Variants in EFNA5 observed in about 807,000 individuals in gnomAD.
EFNA5 encodes the protein ephrin A5, also known as ephrin-A5.
A neutral mutation model predicts 22.9 loss-of-function variants in EFNA5; 5 were observed. That is an observed-to-expected ratio of 0.22 (90% CI 0.11 to 0.46). EFNA5 has a LOEUF of 0.46. Among genes scored for constraint, EFNA5 ranks in the 20% least tolerant of loss-of-function variants. EFNA5 has a pLI of 0.99. For synonymous variants in EFNA5, 113 were observed against 112.2 expected (o/e 1.01, Z -0.04); for missense variants, 237 against 293.3 (o/e 0.81, Z 1.40).
At chr5:107,483,577 C>G (rs1457633982) in intron 1 of EFNA5, among the ~76,000 whole-genome samples, 1 of 152,156 alleles carries the variant, frequency 6.6e-6, no homozygotes, top group Non-Finnish European at 1.5e-5. Flanking sequence ...AACTCCTGAC[C>G]TAAAGCCAGG....
intron 1 of EFNA5, among the ~76,000 whole-genome samples, chr5:107,570,873 G>T (rs1580536122): frequency 6.6e-6 from 1 of 152,168 alleles, no homozygotes; most frequent in Non-Finnish European, 1.5e-5. Context: ...CAAGGGACTT[G>T]AAAACAAACC....
chr5:107,569,687 T>G (rs1748754391), intron 1 of EFNA5, among the ~76,000 whole-genome samples: 2 of 145,696 alleles, frequency 1.4e-5, no homozygotes, highest in Non-Finnish European at 3.0e-5. Flanking sequence ...CCATCTCTAC[T>G]AAAAATACAA....
chr5:107,482,911 TACAC>T (rs140110437), intron 1 of EFNA5, among the ~76,000 whole-genome samples: 1 of 138,444 alleles, frequency 7.2e-6, no homozygotes, highest in Non-Finnish European at 1.6e-5. Flanking sequence ...TATATACACA[TACAC>T]ACACACACAC....
intron 2 of EFNA5, among the ~76,000 whole-genome samples, chr5:107,411,392 G>A (rs1036514422): frequency 2.4e-4 from 37 of 152,152 alleles, no homozygotes; most frequent in African/African-American, 7.7e-4. Context: ...TGGAGCTGTC[G>A]GTCAAAGTAT....
intron 4 of EFNA5, among the ~76,000 whole-genome samples, chr5:107,381,888 GAA>G (rs1747472084): frequency 6.6e-6 from 1 of 152,242 alleles, no homozygotes; most frequent in South Asian, 2.1e-4. Flanking sequence ...TTTCAAACAT[GAA>G]AAACTAAATG....
chr5:107,449,504 T>A (rs550509559), intron 1 of EFNA5, among the ~76,000 whole-genome samples: 3 of 151,640 alleles, frequency 2.0e-5, no homozygotes, highest in African/African-American at 4.8e-5. Context: ...TATCACATCA[T>A]CCCTCCCCGC....
rs897846198 is a variant in EFNA5, at chr5:107,378,191, T to A, written c.*3064A>T. 1 of 141,408 alleles carries A rather than the reference T, an allele frequency of 7.1e-6. No individual in the cohort carries two copies. The highest frequency in any genetic ancestry group is 6.9e-5 in the Admixed American group (1 of 14,404). 8.8% of individuals were successfully genotyped at this position (141,408 alleles called of 1,614,324 possible). A position where few individuals can be genotyped will look rare whatever the true frequency, so the allele number is the denominator to read the frequency against. On this transcript the variant is annotated 3_prime_UTR_variant, in exon 5 of 5. Transcript: ENST00000333274. ...TAATACAGAATTTAAAGAACGCAGT[T>A]TTTTTTTTTTTTTTAATGTTTTACT...
intron 1 of EFNA5, among the ~76,000 whole-genome samples, chr5:107,428,474 C>T (rs1195168259): frequency 2.0e-5 from 3 of 152,226 alleles, no homozygotes; most frequent in African/African-American, 7.2e-5. Context: ...AAAAGTTTTG[C>T]TTATCTGTTT....
intron 1 of EFNA5, among the ~76,000 whole-genome samples, chr5:107,450,283 G>GT (rs1321092451): frequency 1.3e-5 from 2 of 152,078 alleles, no homozygotes; most frequent in Non-Finnish European, 2.9e-5. Flanking sequence ...CAAAGGCAAA[G>GT]TTTTTTTGCT....
intron 1 of EFNA5, among the ~76,000 whole-genome samples, chr5:107,451,563 G>C (rs1749561267): frequency 6.6e-6 from 1 of 151,948 alleles, no homozygotes; most frequent in African/African-American, 2.4e-5. Context: ...TAGATAGATA[G>C]ACAGATAATC....
At position 107,670,650 on chromosome 5, in the gene EFNA5, TC is replaced by T; in HGVS notation, c.-38del. 1 of 1,591,026 alleles carries T rather than the reference TC, an allele frequency of 6.3e-7. No homozygotes were observed. Among genetic ancestry groups the T allele is most frequent in the African/African-American group, 1.4e-5 (1 of 73,932 alleles). On this transcript the variant is annotated 5_prime_UTR_variant, in exon 1 of 5. Transcript: ENST00000333274. ...AGCGGCGGAGCCCCCGACGCGCCAC[TC>T]CGGGGAGAGAGCGGGGATCCGGAGG...
At chr5:107,556,159 C>T (rs1748408836) in intron 1 of EFNA5, among the ~76,000 whole-genome samples, 1 of 152,170 alleles carries the variant, frequency 6.6e-6, no homozygotes, top group Non-Finnish European at 1.5e-5. Context: ...CATGCTATCC[C>T]CATCAAGGCT....
chr5:107,436,638 C>T (rs558421091), intron 1 of EFNA5, among the ~76,000 whole-genome samples: 2 of 152,042 alleles, frequency 1.3e-5, no homozygotes, highest in African/African-American at 2.4e-5. Flanking sequence ...GAGTTTTACA[C>T]CCCCCAGCCC....
chr5:107,533,378 T>G (rs890007052), intron 1 of EFNA5, among the ~76,000 whole-genome samples: 2 of 152,146 alleles, frequency 1.3e-5, no homozygotes, highest in Non-Finnish European at 2.9e-5. Flanking sequence ...GAATTGGGCT[T>G]CTTTCTATCT....
At chr5:107,605,358 T>A (rs1003985183) in intron 1 of EFNA5, among the ~76,000 whole-genome samples, 44 of 152,162 alleles carry the variant, frequency 2.9e-4, no homozygotes, top group Admixed American at 3.9e-4. Context: ...GGCAAGAGAA[T>A]GAGGTAAACC....
chr5:107,488,782 C>T (rs1430290867), intron 1 of EFNA5, among the ~76,000 whole-genome samples: 1 of 152,114 alleles, frequency 6.6e-6, no homozygotes, highest in Non-Finnish European at 1.5e-5. Flanking sequence ...ACCTCTGCCT[C>T]CTGGGTTGAA....
chr5:107,646,766 T>C (rs997193945), intron 1 of EFNA5, among the ~76,000 whole-genome samples: 1 of 152,192 alleles, frequency 6.6e-6, no homozygotes, highest in East Asian at 1.9e-4. Flanking sequence ...CAGTGGGTAC[T>C]ATCACTGAAA....
chr5:107,578,330 C>T (rs553843699), intron 1 of EFNA5, among the ~76,000 whole-genome samples: 3 of 152,276 alleles, frequency 2.0e-5, no homozygotes, highest in East Asian at 3.9e-4. Flanking sequence ...CTACAAATTT[C>T]ATTTTGGAAA....
intron 1 of EFNA5, among the ~76,000 whole-genome samples, chr5:107,556,774 AAATAAATAAAT>A (rs1420741726): frequency 2.7e-5 from 3 of 111,140 alleles, no homozygotes; most frequent in Admixed American, 1.8e-4. Context: ...ATAAATAAAT[AAATAAATAAAT>A]AAATAAAATA....
Sources: allele counts gnomAD v4.1 joint callset (sites outside exome capture counted in the v4.1 genomes callset), GRCh38; gene constraint gnomAD v4.1.1; transcripts MANE v1.5; gene names NCBI Gene and HGNC (gene_info 2026-07-23, HGNC 2026-07-21).